Variants in PSPC1 observed in about 807,000 individuals in gnomAD.
The protein encoded by PSPC1 is paraspeckle protein 1.
A neutral mutation model predicts 51.6 loss-of-function variants in PSPC1; 14 were observed. The ratio of observed to expected loss-of-function variants is 0.27; its 90% CI spans 0.18 to 0.42. The LOEUF (loss-of-function observed/expected upper bound fraction) is 0.42. Ranked by LOEUF, PSPC1 falls within the 10% of genes least tolerant of loss-of-function variation. The probability of loss-of-function intolerance (pLI) is 1.00; values close to 1 mark genes in which losing one functional copy is unlikely to be tolerated. For synonymous variants in PSPC1, 193 were observed against 231.9 expected (o/e 0.83, Z 1.53); for missense variants, 406 against 701.1 (o/e 0.58, Z 4.75).
chr13:19,777,525 A>C (rs532721888), intron 1 of PSPC1, among the ~76,000 whole-genome samples: 1 of 152,120 alleles, frequency 6.6e-6, no homozygotes, highest in East Asian at 1.9e-4. Flanking sequence ...AAATGCATTT[A>C]TAATGTTCAA....
intron 5 of PSPC1, among the ~76,000 whole-genome samples, chr13:19,740,849 C>T (rs888078304): frequency 2.0e-4 from 30 of 151,814 alleles, no homozygotes; most frequent in African/African-American, 6.8e-4. Flanking sequence ...CCCATAACCC[C>T]TTTTAACACG....
At chr13:19,725,473 T>G (rs1363077928) in intron 6 of PSPC1, among the ~76,000 whole-genome samples, 1 of 152,198 alleles carries the variant, frequency 6.6e-6, no homozygotes, top group Non-Finnish European at 1.5e-5. Flanking sequence ...ACTCTCGGAT[T>G]CAGAGGTCAG....
intron 6 of PSPC1, among the ~76,000 whole-genome samples, chr13:19,690,320 G>A (rs1878403900): frequency 6.6e-6 from 1 of 152,176 alleles, no homozygotes; most frequent in Non-Finnish European, 1.5e-5. Flanking sequence ...AACTATATAT[G>A]GATAATCACA....
In PSPC1 at chr13:19,741,670, A is replaced by G. The variant is rs775800724; in HGVS notation, c.968-21T>C. On this transcript the variant is annotated intron_variant, in intron 4 of 8. Transcript: ENST00000338910. The stretch of plus-strand genomic sequence containing the variant: ...TAGATCTATAAAATAATGACTGCAC[A>G]TTAATATTTTTAGTTTCCCTTTCCA... 3.4e-6 allele frequency: 5 copies of G among 1,474,178 alleles called. No homozygotes were observed. The East Asian group carries it at 6.8e-5, about 20-fold the overall frequency. The allele number at this position is 1,474,178 out of a possible 1,614,324, so 91.3% of individuals were successfully genotyped here.
chr13:19,764,851 A>C (rs976054608), intron 2 of PSPC1, among the ~76,000 whole-genome samples: 1 of 151,938 alleles, frequency 6.6e-6, no homozygotes, highest in Non-Finnish European at 1.5e-5. Context: ...CTCCCACCTC[A>C]GCCTCCCACG....
At chr13:19,774,818 A>AT (rs761844408) in intron 1 of PSPC1, among the ~76,000 whole-genome samples, 12,806 of 144,958 alleles carry the variant, frequency 0.088, 707 homozygotes, top group Non-Finnish European at 0.14. Context: ...AAAAAAAAAA[A>AT]CAAAAAAAAA....
chr13:19,672,177 T>C (rs1401258741), downstream of PSPC1: 3 of 288,382 alleles, frequency 1.0e-5, no homozygotes, highest in East Asian at 1.3e-4. Flanking sequence ...GGAGTTTCGC[T>C]CTTGTTGCCC....
intron 4 of PSPC1, among the ~76,000 whole-genome samples, chr13:19,750,257 G>C (rs1007607481): frequency 1.3e-5 from 2 of 151,930 alleles, no homozygotes; most frequent in Non-Finnish European, 2.9e-5. Context: ...TCTGGGGACA[G>C]CCAAGAGAAG....
chr13:19,716,142 C>G (rs112039341), intron 6 of PSPC1, among the ~76,000 whole-genome samples: 39 of 152,308 alleles, frequency 2.6e-4, no homozygotes, highest in African/African-American at 7.5e-4. Context: ...CAAGATATCT[C>G]ATTACATAAT....
At chr13:19,773,231 C>G (rs1444722603) in intron 1 of PSPC1, among the ~76,000 whole-genome samples, 1 of 150,090 alleles carries the variant, frequency 6.7e-6, no homozygotes, top group Non-Finnish European at 1.5e-5. Context: ...TTCTCCATAC[C>G]CTTTATGTTT....
At chr13:19,712,976 T>A (rs1047787785) in intron 6 of PSPC1, among the ~76,000 whole-genome samples, 2 of 151,982 alleles carry the variant, frequency 1.3e-5, no homozygotes, top group East Asian at 3.9e-4. Flanking sequence ...GCAAAAGAGG[T>A]AGAGATTAGG....
intron 6 of PSPC1, among the ~76,000 whole-genome samples, chr13:19,718,080 A>C (rs1293153786): frequency 6.6e-6 from 1 of 152,164 alleles, no homozygotes; most frequent in Non-Finnish European, 1.5e-5. Context: ...AAAAGGAAAA[A>C]AATATACGTT....
intron 6 of PSPC1, among the ~76,000 whole-genome samples, chr13:19,681,736 C>A (rs1260198038): frequency 6.6e-6 from 1 of 152,162 alleles, no homozygotes; most frequent in Admixed American, 6.5e-5. Context: ...TCTAACATAA[C>A]CACCAGAGAA....
intron 8 of PSPC1, among the ~76,000 whole-genome samples, chr13:19,704,402 A>AGC (rs1880379022): frequency 6.6e-6 from 1 of 152,292 alleles, no homozygotes; most frequent in Non-Finnish European, 1.5e-5. Flanking sequence ...AAATAATGAT[A>AGC]AATGCTGCAT....
chr13:19,689,332 A>G (rs1479978697), intron 6 of PSPC1, among the ~76,000 whole-genome samples: 1 of 152,236 alleles, frequency 6.6e-6, no homozygotes, highest in African/African-American at 2.4e-5. Flanking sequence ...GACACTGAAC[A>G]CTGGGAAAAC....
At chr13:19,718,262 A>G (rs56177904) in intron 6 of PSPC1, among the ~76,000 whole-genome samples, 3,003 of 152,278 alleles carry the variant, frequency 0.02, 35 homozygotes, top group Middle Eastern at 0.075. Flanking sequence ...CTCTTTATAT[A>G]TATATACCCA....
In PSPC1 at chr13:19,782,372, C is replaced by A; in HGVS notation, c.372+14G>T. The A allele has an allele frequency of 7.0e-6, 11 of 1,566,588 alleles. No individual in the cohort carries two copies. Among genetic ancestry groups the A allele is most frequent in the Non-Finnish European group, 9.5e-6 (11 of 1,156,908 alleles). ...CAGTCCTTTTGTTCCCTCGCGCGGG[C>A]GCCTGACACTCACCAAGCGGATGAA... On this transcript the variant is annotated intron_variant, in intron 1 of 8. Coordinates refer to ENST00000338910, the MANE Select transcript of PSPC1 (RefSeq NM_001354909.2). The surrounding 1 kb of genome is among the most constrained non-coding windows in gnomAD (Gnocchi z 4.5).
At chr13:19,685,311 T>G (rs557101434) in intron 6 of PSPC1, among the ~76,000 whole-genome samples, 9 of 152,334 alleles carry the variant, frequency 5.9e-5, no homozygotes, top group Admixed American at 4.6e-4. Flanking sequence ...TTAGAACACA[T>G]ACTATTTCCC....
intron 6 of PSPC1, among the ~76,000 whole-genome samples, chr13:19,713,796 G>A (rs943414739): frequency 6.6e-6 from 1 of 152,154 alleles, no homozygotes; most frequent in African/African-American, 2.4e-5. Flanking sequence ...TTAACGTGTA[G>A]GTCATGGAGT....
Sources: gnomAD v4.1 joint callset for allele counts (sites outside exome capture counted in the v4.1 genomes callset) on GRCh38, gnomAD v4.1.1 for gene constraint, Gnocchi (gnomAD v3.1) non-coding constraint, MANE v1.5 for transcripts, NCBI Gene and HGNC (gene_info 2026-07-23, HGNC 2026-07-21) for gene names.